Variants in EXT2 observed in about 807,000 individuals in gnomAD.
The protein encoded by EXT2 is exostosin-2.
In EXT2, 53 loss-of-function variants were observed where a neutral mutation model predicts 81.6. The observed-to-expected ratio is 0.65, with a 90% confidence interval of 0.52 to 0.82. The LOEUF (loss-of-function observed/expected upper bound fraction) is 0.82, where lower values mean the gene tolerates loss of function less well. Ranked by LOEUF, EXT2 falls within the 40% of genes least tolerant of loss-of-function variation. The pLI is 0.00. For missense variants in EXT2, 774 were observed against 910.2 expected (o/e 0.85, Z 1.93); for synonymous variants, 320 against 340.0 (o/e 0.94, Z 0.65).
chr11:44,153,317 C>T (rs1484885096), intron 7 of EXT2, among the ~76,000 whole-genome samples: 1 of 152,038 alleles, frequency 6.6e-6, no homozygotes, highest in Non-Finnish European at 1.5e-5. Flanking sequence ...TCCACTTATT[C>T]ATTGCTAGTG....
At chr11:44,104,195 C>T (rs1204105265) in intron 1 of EXT2, among the ~76,000 whole-genome samples, 1 of 151,890 alleles carries the variant, frequency 6.6e-6, no homozygotes, top group East Asian at 1.9e-4. Flanking sequence ...TATAATTGAT[C>T]TAGTAGGTTA....
At chr11:44,146,391 C>T (rs1954717863) in intron 7 of EXT2, among the ~76,000 whole-genome samples, 1 of 152,182 alleles carries the variant, frequency 6.6e-6, no homozygotes, top group African/African-American at 2.4e-5. Context: ...CATTTAGTGG[C>T]TCAGTTGAGA....
chr11:44,185,948 C>T (rs1034250145), intron 8 of EXT2, among the ~76,000 whole-genome samples: 2 of 152,174 alleles, frequency 1.3e-5, no homozygotes, highest in African/African-American at 4.8e-5. Flanking sequence ...TTTGTTTTAC[C>T]TCTCATAAGA....
In EXT2 at chr11:44,119,169, T is replaced by TATATATATACAC. The variant is rs1192115471; in HGVS notation, c.743+4869_743+4870insTATATATACACA. On this transcript the variant is annotated intron_variant, in intron 4 of 13. Coordinates refer to ENST00000533608, the MANE Select transcript of EXT2 (RefSeq NM_207122.2). The stretch of plus-strand genomic sequence containing the variant: ...ATATATATATATATATATATATATA[T>TATATATATACAC]ACACATACACACACACACACACACA... Among the ~76,000 whole-genome samples, 31 of 63,114 alleles carry TATATATATACAC rather than the reference T, an allele frequency of 4.9e-4. 1 individual carries two copies. The highest frequency in any genetic ancestry group is 1.7e-3 in the East Asian group (3 of 1,742). The allele number at this position is 63,114 out of a possible 152,430, so 41.4% of individuals were successfully genotyped here.
At position 44,113,688 on chromosome 11, in the gene EXT2, T is replaced by TGGAGAG. The variant is rs1954177845; in HGVS notation, c.627-496_627-491dup. Reference sequence around the variant, plus strand: ...GGAAAGAACTGCTTGAGGCAGGGATTGGAGAGAGGCTGGGGTGTAAGCGAT... The same window carrying TGGAGAG: ...GGAAAGAACTGCTTGAGGCAGGGATTGGAGAGGGAGAGAGGCTGGGGTGTAAGCGAT... On this transcript the variant is annotated intron_variant, in intron 3 of 13. Transcript: ENST00000533608. Among the ~76,000 whole-genome samples the TGGAGAG allele has an allele frequency of 2.0e-5, 3 of 152,122 alleles. No homozygotes were observed. The South Asian group carries it at 6.2e-4, about 32-fold the overall frequency.
At chr11:44,133,765 G>A (rs1954527137) in intron 7 of EXT2, among the ~76,000 whole-genome samples, 1 of 152,174 alleles carries the variant, frequency 6.6e-6, no homozygotes. Context: ...TTTGGCCCCA[G>A]AAATGTGGGG....
At chr11:44,132,041 T>A (rs1191188202) in intron 7 of EXT2, among the ~76,000 whole-genome samples, 2 of 152,230 alleles carry the variant, frequency 1.3e-5, no homozygotes, top group Middle Eastern at 3.2e-3. Flanking sequence ...TGGCCCACTT[T>A]GTGTTACTTT....
intron 9 of EXT2, among the ~76,000 whole-genome samples, chr11:44,199,989 A>G (rs78685096): frequency 6.6e-6 from 1 of 152,130 alleles, no homozygotes; most frequent in African/African-American, 2.4e-5. Flanking sequence ...TTTTTAGGTC[A>G]GGGCTCTGGC....
At chr11:44,204,042 C>CT in intron 9 of EXT2, among the ~76,000 whole-genome samples, 1 of 152,212 alleles carries the variant, frequency 6.6e-6, no homozygotes, top group Non-Finnish European at 1.5e-5. Context: ...TTCTTCTCAA[C>CT]TATTTTCTGG....
At position 44,244,323 on chromosome 11, in the gene EXT2, G is replaced by C. The variant is rs772940123; in HGVS notation, c.*36G>C. The C allele has an allele frequency of 1.2e-6, 2 of 1,612,824 alleles. No homozygotes were observed. The highest frequency in any genetic ancestry group is 1.7e-6 in the Non-Finnish European group (2 of 1,178,938). On this transcript the variant is annotated 3_prime_UTR_variant, in exon 14 of 14. Transcript: ENST00000533608. ...TGGTGGAGGTCTGAATGTGAGGCTG[G>C]GACAGAGGGAGAGAACAAGGCCTCC...
At chr11:44,098,801 A>AAATT (rs1185420074) in intron 1 of EXT2, among the ~76,000 whole-genome samples, 1 of 151,976 alleles carries the variant, frequency 6.6e-6, no homozygotes, top group African/African-American at 2.4e-5. Context: ...TGGGTACAGA[A>AAATT]AATTCAGAGT....
At position 44,246,450 on chromosome 11, in the gene EXT2, T is replaced by C. The variant is rs992200347; in HGVS notation, c.*2163T>C. Among the ~76,000 whole-genome samples the C allele has an allele frequency of 6.6e-6, 1 of 152,192 alleles. No homozygotes were observed. The highest frequency in any genetic ancestry group is 1.9e-4 in the East Asian group (1 of 5,202). On this transcript the variant is annotated 3_prime_UTR_variant, in exon 14 of 14. Transcript: ENST00000533608. Reference sequence around the variant, plus strand: ...AGAGGAACTCTTTCATCTGAGTTCATTGTGAGCCCTAGAGAGCTGTGTGAC... The same window carrying C: ...AGAGGAACTCTTTCATCTGAGTTCACTGTGAGCCCTAGAGAGCTGTGTGAC...
At chr11:44,223,438 A>C (rs547337057) in intron 10 of EXT2, among the ~76,000 whole-genome samples, 6 of 152,332 alleles carry the variant, frequency 3.9e-5, no homozygotes, top group Admixed American at 3.9e-4. Flanking sequence ...ACCATGGTAT[A>C]TTATTCATCC....
chr11:44,217,116 AG>A (rs1338426242), intron 10 of EXT2, among the ~76,000 whole-genome samples: 5 of 151,584 alleles, frequency 3.3e-5, no homozygotes, highest in African/African-American at 1.2e-4. Flanking sequence ...ACACAGTGTC[AG>A]AATGTGAAGA....
intron 11 of EXT2, among the ~76,000 whole-genome samples, chr11:44,233,225 T>A (rs537944644): frequency 6.6e-6 from 1 of 152,276 alleles, no homozygotes; most frequent in East Asian, 1.9e-4. Context: ...TCTGTTGGTT[T>A]CAGGATTGTT....
At chr11:44,168,793 G>C (rs1955030031) in intron 7 of EXT2, among the ~76,000 whole-genome samples, 1 of 152,156 alleles carries the variant, frequency 6.6e-6, no homozygotes, top group South Asian at 2.1e-4. Context: ...ACAAATAAAA[G>C]AGTCACCCAC....
chr11:44,170,623 T>C (rs1400378620), intron 7 of EXT2, among the ~76,000 whole-genome samples: 1 of 152,122 alleles, frequency 6.6e-6, no homozygotes, highest in African/African-American at 2.4e-5. Context: ...AAGAGATGTA[T>C]TACAATAGAT....
chr11:44,222,644 A>G (rs191429181), intron 10 of EXT2, among the ~76,000 whole-genome samples: 8 of 151,268 alleles, frequency 5.3e-5, no homozygotes, highest in Non-Finnish European at 7.4e-5. Flanking sequence ...ACTGAAAGTG[A>G]ATCAGATTTA....
At chr11:44,190,135 T>C (rs1281774263) in intron 8 of EXT2, among the ~76,000 whole-genome samples, 1 of 152,214 alleles carries the variant, frequency 6.6e-6, no homozygotes, top group African/African-American at 2.4e-5. Flanking sequence ...TATCCATTGA[T>C]AGGGAGTCTC....
Sources: allele counts gnomAD v4.1 joint callset (sites outside exome capture counted in the v4.1 genomes callset), GRCh38; gene constraint gnomAD v4.1.1; transcripts MANE v1.5; gene names NCBI Gene and HGNC (gene_info 2026-07-23, HGNC 2026-07-21).